GPHN: variants seen among roughly 807,000 people sequenced by gnomAD.
The protein encoded by GPHN is gephyrin.
Under a neutral mutation model 95.5 loss-of-function variants are expected in GPHN, and 17 were observed. The ratio of observed to expected loss-of-function variants is 0.18; its 90% CI spans 0.12 to 0.27. The LOEUF is 0.27. Among genes scored for constraint, GPHN ranks in the 10% least tolerant of loss-of-function variants. The pLI, the probability that GPHN is intolerant of heterozygous loss-of-function variation, is 1.00. For synonymous variants in GPHN, 320 were observed against 322.5 expected, an observed-to-expected ratio of 0.99 and a Z score of 0.08; for missense variants, 660 against 978.1, an observed-to-expected ratio of 0.67 and a Z score of 4.34.
the GPHN span, chr14:67,320,449 G>A: frequency 1.4e-6 from 2 of 1,464,876 alleles, no homozygotes; most frequent in Non-Finnish European, 1.8e-6. Context: ...TACCAGCTCA[G>A]AACCTAACTA....
At chr14:67,695,846 C>A in the GPHN span, 4 of 714,002 alleles carry the variant, frequency 5.6e-6, no homozygotes, top group South Asian at 3.8e-5. Context: ...AGCTTGACAG[C>A]CTCAGGCTGG....
intron 1 of GPHN, among the ~76,000 whole-genome samples, chr14:66,558,379 A>T (rs1388023277): frequency 6.6e-6 from 1 of 152,218 alleles, no homozygotes; most frequent in African/African-American, 2.4e-5. Flanking sequence ...GACAACACTG[A>T]TTACTGAAGA....
chr14:67,009,786 GT>G (rs1290479745), intron 9 of GPHN, among the ~76,000 whole-genome samples: 1 of 151,720 alleles, frequency 6.6e-6, no homozygotes, highest in Non-Finnish European at 1.5e-5. Context: ...TTCTCTTTTT[GT>G]TTTTTTAGAC....
chr14:66,543,760 C>T (rs1942829765), intron 1 of GPHN, among the ~76,000 whole-genome samples: 1 of 152,168 alleles, frequency 6.6e-6, no homozygotes, highest in South Asian at 2.1e-4. Context: ...ACCATGAAAA[C>T]ATATCCCAGA....
At chr14:66,890,662 G>GA (rs1747968424) in intron 5 of GPHN, among the ~76,000 whole-genome samples, 1 of 151,762 alleles carries the variant, frequency 6.6e-6, no homozygotes, top group Non-Finnish European at 1.5e-5. Flanking sequence ...AATGTTGATG[G>GA]AAAAATGCTC....
intron 9 of GPHN, among the ~76,000 whole-genome samples, chr14:67,020,089 G>T (rs1310846517): frequency 6.6e-6 from 1 of 152,042 alleles, no homozygotes; most frequent in Non-Finnish European, 1.5e-5. Flanking sequence ...CACAAATTAT[G>T]GTCACAGATT....
chr14:67,082,745 G>A (rs904558040), intron 11 of GPHN, among the ~76,000 whole-genome samples: 4 of 152,052 alleles, frequency 2.6e-5, no homozygotes, highest in African/African-American at 9.7e-5. Flanking sequence ...TATGAACACA[G>A]GCTGTCTTTC....
the GPHN span, chr14:67,600,296 C>T: frequency 2.8e-6 from 3 of 1,063,102 alleles, no homozygotes; most frequent in South Asian, 5.2e-5. Flanking sequence ...TTCCGGCAGC[C>T]GCGTCACCAC....
the GPHN span, chr14:67,674,229 G>A: frequency 7.7e-6 from 5 of 651,154 alleles, no homozygotes; most frequent in South Asian, 1.2e-4. Context: ...GGGAGACCTG[G>A]GGCTGGGACA....
At chr14:67,562,637 C>A in the GPHN span, 17 of 1,613,054 alleles carry the variant, frequency 1.1e-5, no homozygotes, top group Non-Finnish European at 1.4e-5. Context: ...CAGCCAGCCC[C>A]AGGTGGGCCA....
the GPHN span, among the ~76,000 whole-genome samples, chr14:67,552,519 G>A: frequency 6.6e-6 from 1 of 152,198 alleles, no homozygotes; most frequent in South Asian, 2.1e-4. Context: ...TGTAATTCCA[G>A]CCCTTTGGGA....
At chr14:67,255,961 A>G in the GPHN span, among the ~76,000 whole-genome samples, 1 of 152,264 alleles carries the variant, frequency 6.6e-6, no homozygotes, top group Non-Finnish European at 1.5e-5. Context: ...TGCTGGGATT[A>G]CAGACAGTTG....
intron 1 of GPHN, among the ~76,000 whole-genome samples, chr14:66,615,812 A>G (rs1249372800): frequency 6.6e-6 from 1 of 150,570 alleles, no homozygotes; most frequent in East Asian, 1.9e-4. Flanking sequence ...CCTGAATGAT[A>G]TTGCCTAGGT....
chr14:67,361,421 ACTTT>A, the GPHN span, among the ~76,000 whole-genome samples: 1 of 152,324 alleles, frequency 6.6e-6, no homozygotes, highest in Middle Eastern at 3.4e-3. Flanking sequence ...TTCGGTGATA[ACTTT>A]CTTTTTCAAC....
chr14:66,721,263 G>C (rs1323420977), intron 2 of GPHN, among the ~76,000 whole-genome samples: 1 of 152,148 alleles, frequency 6.6e-6, no homozygotes, highest in Non-Finnish European at 1.5e-5. Context: ...AATTGAGAAT[G>C]ACAAAAGGCT....
At chr14:67,376,923 C>T in the GPHN span, among the ~76,000 whole-genome samples, 1 of 152,306 alleles carries the variant, frequency 6.6e-6, no homozygotes, top group South Asian at 2.1e-4. Context: ...TCAGCCCACA[C>T]CACTTTAGCC....
the GPHN span, among the ~76,000 whole-genome samples, chr14:67,512,542 G>A: frequency 1.3e-5 from 2 of 152,142 alleles, no homozygotes; most frequent in East Asian, 3.8e-4. Flanking sequence ...AGATGGGGGA[G>A]GAGAAAAGTA....
At chr14:66,688,011 T>C (rs1346853630) in intron 2 of GPHN, among the ~76,000 whole-genome samples, 1 of 152,190 alleles carries the variant, frequency 6.6e-6, no homozygotes, top group Non-Finnish European at 1.5e-5. Flanking sequence ...TGCCAAAAAC[T>C]TAATTACTAA....
At chr14:67,447,442 AAAG>A in the GPHN span, 1 of 152,226 alleles carries the variant, frequency 6.6e-6, no homozygotes, top group African/African-American at 2.4e-5. Context: ...ATAAAGAAAA[AAAG>A]AAGATGAAAG....
Sources: allele counts gnomAD v4.1 joint callset (sites outside exome capture counted in the v4.1 genomes callset), GRCh38; gene constraint gnomAD v4.1.1; transcripts MANE v1.5; gene names NCBI Gene and HGNC (gene_info 2026-07-23, HGNC 2026-07-21).